Variants in NPNT observed in about 807,000 individuals in gnomAD.
NPNT encodes the protein preosteoblast EGF-like repeat protein with MAM domain.
NPNT carries 45 observed loss-of-function variants against 68.6 expected under a neutral mutation model. The ratio of observed to expected loss-of-function variants is 0.66; its 90% CI spans 0.52 to 0.84. NPNT has a LOEUF of 0.84. Among genes scored for constraint, NPNT ranks in the 40% least tolerant of loss-of-function variants. The pLI, the probability that NPNT is intolerant of heterozygous loss-of-function variation, is 0.00. For synonymous variants in NPNT, 233 were observed against 253.3 expected, an observed-to-expected ratio of 0.92 and a Z score of 0.76; for missense variants, 672 against 714.8, an observed-to-expected ratio of 0.94 and a Z score of 0.68.
chr4:105,960,637 TCA>T (rs1196976361), intron 10 of NPNT, among the ~76,000 whole-genome samples: 1 of 152,188 alleles, frequency 6.6e-6, no homozygotes, highest in African/African-American at 2.4e-5. Context: ...ATTTAGTGCC[TCA>T]CACACAGTAC....
At chr4:105,898,338 C>G (rs867898544) in intron 2 of NPNT, among the ~76,000 whole-genome samples, 18 of 128,402 alleles carry the variant, frequency 1.4e-4, no homozygotes, top group East Asian at 6.6e-4. Context: ...GTCTCTCTCT[C>G]TCTCTCTCTC....
chr4:105,958,804 A>G, intron 9 of NPNT: 1 of 549,260 alleles, frequency 1.8e-6, no homozygotes, highest in Non-Finnish European at 3.2e-6. Context: ...TGATGATGTA[A>G]CATTGTTATA....
intron 1 of NPNT, 101 bp from the exon 2 acceptor site, chr4:105,897,800 T>C: frequency 1.2e-6 from 1 of 865,152 alleles, no homozygotes; most frequent in South Asian, 1.5e-5. Flanking sequence ...TGTAGAAAAT[T>C]GTTGGGTGTG....
At chr4:105,905,054 A>G (rs10031934) in intron 2 of NPNT, among the ~76,000 whole-genome samples, 11,442 of 149,354 alleles carry the variant, frequency 0.077, 794 homozygotes, top group African/African-American at 0.19. Flanking sequence ...TAATTTTTAT[A>G]CCTTTGTGTA....
Position 105,968,935 on chromosome 4 carries a change from A to G in NPNT, c.1643A>G (p.Glu548Gly). The G allele has an allele frequency of 6.2e-7, 1 of 1,613,482 alleles. No individual in the cohort carries two copies. ...GAAAAAAGGCGTGGTCACACTGGGGAGATTGGATTAGATGATGTGAGCTTG... is the reference window on the plus strand; with the variant it reads ...GAAAAAAGGCGTGGTCACACTGGGGGGATTGGATTAGATGATGTGAGCTTG... ...KGEKRRGHTG[E>G]IGLDDVSLKK... The change falls in exon 12 of 12, where the codon GAG (glutamate) becomes GGG (glycine). Residue 548 changes from glutamate (E) to glycine (G), a missense_variant. Transcript: ENST00000379987.
intron 3 of NPNT, among the ~76,000 whole-genome samples, chr4:105,928,613 C>CAAAAAAAAAAAAAAAAAAAA (rs75354182): frequency 1.1e-5 from 1 of 92,496 alleles, no homozygotes; most frequent in African/African-American, 3.6e-5. Context: ...AACTCTGTCT[C>CAAAAAAAAAAAAAAAAAAAA]AAAAAAAAAA....
intron 8 of NPNT, among the ~76,000 whole-genome samples, chr4:105,943,241 C>T (rs1364692788): frequency 6.6e-6 from 1 of 152,126 alleles, no homozygotes; most frequent in Non-Finnish European, 1.5e-5. Flanking sequence ...TGAAGGGATA[C>T]CTCGTCAGTC....
At chr4:105,912,360 T>A (rs1353462074) in intron 2 of NPNT, 3 of 692,642 alleles carry the variant, frequency 4.3e-6, no homozygotes, top group Non-Finnish European at 7.1e-6. Flanking sequence ...TGCTTCTTTT[T>A]AGGAAAACTA....
At chr4:105,932,648 T>G (rs1434981090) in intron 3 of NPNT, 1 of 1,535,956 alleles carries the variant, frequency 6.5e-7, no homozygotes, top group Non-Finnish European at 8.7e-7. Context: ...ACCAAGGCAG[T>G]GAACAGCCTC....
chr4:105,908,654 C>T (rs529509478), intron 2 of NPNT, among the ~76,000 whole-genome samples: 401 of 151,876 alleles, frequency 2.6e-3, no homozygotes, highest in Non-Finnish European at 4.3e-3. Flanking sequence ...ACCTCTGCCT[C>T]CTGGGTTCAA....
At chr4:105,912,593 T>C in intron 2 of NPNT, 1 of 993,130 alleles carries the variant, frequency 1.0e-6, no homozygotes, top group Non-Finnish European at 1.2e-6. Flanking sequence ...AACACCAGCC[T>C]ATCATTAACC....
At chr4:105,936,394 C>T (rs1442100745) in intron 3 of NPNT, among the ~76,000 whole-genome samples, 1 of 152,136 alleles carries the variant, frequency 6.6e-6, no homozygotes. Flanking sequence ...ATATTGATCA[C>T]TCTTAATTTA....
chr4:105,909,067 T>A (rs184592561), intron 2 of NPNT, among the ~76,000 whole-genome samples: 5 of 152,304 alleles, frequency 3.3e-5, no homozygotes, highest in Admixed American at 3.3e-4. Context: ...ACTTGGTAAT[T>A]ATCAGCAGAA....
At chr4:105,958,947 A>G in intron 9 of NPNT, 81 bp from the exon 10 acceptor site, 1 of 856,940 alleles carries the variant, frequency 1.2e-6, no homozygotes, top group Non-Finnish European at 2.0e-6. Flanking sequence ...CTTGTTGTCT[A>G]GATACCCCTA....
rs186378573 is a variant in NPNT at position 105,914,884 on chromosome 4, G to A, written c.173-12452G>A. ...GTTTGAAGGGCATCTGATGAGAGAC[G>A]CAGTGGGAGAAGTGGGAAAGGACTC... On this transcript the variant is annotated intron_variant, in intron 2 of 11. Transcript: ENST00000379987. Among the ~76,000 whole-genome samples the A allele has an allele frequency of 1.8e-4, 27 of 152,240 alleles. No individual in the cohort carries two copies. In the East Asian group the frequency reaches 4.4e-3, roughly 25 times the overall value.
chr4:105,957,572 A>G (rs1731338837), intron 8 of NPNT, among the ~76,000 whole-genome samples: 1 of 152,220 alleles, frequency 6.6e-6, no homozygotes, highest in African/African-American at 2.4e-5. Context: ...CACCAGGTCA[A>G]GCCCTGGAAA....
chr4:105,944,950 C>T (rs534529273), intron 8 of NPNT, among the ~76,000 whole-genome samples: 2 of 152,324 alleles, frequency 1.3e-5, no homozygotes, highest in Non-Finnish European at 2.9e-5. Flanking sequence ...TTCAGTTCAA[C>T]ACCATTTCTT....
intron 3 of NPNT, among the ~76,000 whole-genome samples, chr4:105,935,416 C>T (rs774853509): frequency 1.2e-4 from 19 of 152,176 alleles, no homozygotes; most frequent in Non-Finnish European, 4.4e-5. Flanking sequence ...AAGTTTCCCT[C>T]TCATTTTTAG....
rs746187923 is a variant in NPNT, at chr4:105,967,233, A to T, written c.1391A>T (p.Lys464Ile). The change falls in exon 11 of 12, where the codon AAA becomes ATA. Residue 464 changes from lysine to isoleucine, a missense_variant. Lys to Ile is a moderately radical substitution (Grantham distance 102). Transcript: ENST00000379987. ...TVSAAKAPGG[K>I]AARLVLPLGR... ...TCGGCAGCCAAAGCCCCAGGGGGAA[A>T]AGCTGCACGCTTGGTGCTACCTCTC... The T allele has an allele frequency of 6.2e-7, 1 of 1,613,996 alleles. No individual in the cohort carries two copies. Among genetic ancestry groups the T allele is most frequent in the South Asian group, 1.1e-5 (1 of 91,076 alleles).
Sources: allele counts gnomAD v4.1 joint callset (sites outside exome capture counted in the v4.1 genomes callset), GRCh38; gene constraint gnomAD v4.1.1; transcripts MANE v1.5; gene names NCBI Gene and HGNC (gene_info 2026-07-23, HGNC 2026-07-21).